FUT8: variants seen among roughly 807,000 people sequenced by gnomAD.
The protein encoded by FUT8 is fucosyltransferase 8.
In FUT8, 29 loss-of-function variants were observed where a neutral mutation model predicts 71.3. That is an observed-to-expected ratio of 0.41 (90% CI 0.30 to 0.55). The LOEUF (loss-of-function observed/expected upper bound fraction) is 0.55. Among genes scored for constraint, FUT8 ranks in the 20% least tolerant of loss-of-function variants. FUT8 has a pLI of 0.34. For synonymous variants in FUT8, 254 were observed against 239.3 expected (o/e 1.06, Z -0.57); for missense variants, 544 against 702.1 (o/e 0.77, Z 2.55).
the FUT8 span, among the ~76,000 whole-genome samples, chr14:65,389,889 A>G: frequency 2.0e-5 from 3 of 151,442 alleles, no homozygotes; most frequent in South Asian, 6.2e-4. Flanking sequence ...AAGGCAATAT[A>G]TAAGTACAAT....
chr14:65,466,299 A>G (rs1174458823), intron 2 of FUT8, among the ~76,000 whole-genome samples: 1 of 152,186 alleles, frequency 6.6e-6, no homozygotes, highest in African/African-American at 2.4e-5. Flanking sequence ...ATATAGTTGG[A>G]TTAATGTCTA....
the FUT8 span, among the ~76,000 whole-genome samples, chr14:65,395,724 C>G: frequency 2.6e-5 from 4 of 152,380 alleles, no homozygotes; most frequent in Non-Finnish European, 5.9e-5. Context: ...ATGGCTCTGA[C>G]ATGCCCTGGA....
In FUT8 at chr14:65,692,024, A is replaced by G. The variant is rs1269914095; in HGVS notation, c.835+22544A>G. Among the ~76,000 whole-genome samples the G allele has an allele frequency of 3.9e-5, 6 of 152,068 alleles. No homozygotes were observed. In the East Asian group the frequency reaches 1.2e-3, roughly 30 times the overall value. On this transcript the variant is annotated intron_variant, in intron 7 of 10. Coordinates refer to ENST00000673929, the MANE Select transcript of FUT8 (RefSeq NM_001371533.1). The stretch of plus-strand genomic sequence containing the variant: ...TTCTTTCTACACAGACACGGCAACC[A>G]TCCGATTTCTCAATCTTTTCCCCAC...
At chr14:65,682,160 C>T (rs966652330) in intron 7 of FUT8, among the ~76,000 whole-genome samples, 1 of 152,136 alleles carries the variant, frequency 6.6e-6, no homozygotes, top group Non-Finnish European at 1.5e-5. Flanking sequence ...AAAAGTCTGC[C>T]TCAAGAGGCA....
intron 6 of FUT8, among the ~76,000 whole-genome samples, chr14:65,661,295 G>A (rs1451348956): frequency 6.6e-6 from 1 of 150,746 alleles, no homozygotes; most frequent in Non-Finnish European, 1.5e-5. Flanking sequence ...GCAGTGGACA[G>A]TGGATCAAGA....
chr14:65,678,580 C>G (rs1594889911), intron 7 of FUT8, among the ~76,000 whole-genome samples: 1 of 152,150 alleles, frequency 6.6e-6, no homozygotes, highest in East Asian at 1.9e-4. Context: ...AAGGGGGGTA[C>G]TAGGAATAAA....
intron 1 of FUT8, among the ~76,000 whole-genome samples, chr14:65,430,528 A>G (rs1376485023): frequency 6.6e-6 from 1 of 152,158 alleles, no homozygotes; most frequent in Non-Finnish European, 1.5e-5. Context: ...TTTTATTTTT[A>G]GTCATAATAG....
intron 1 of FUT8, among the ~76,000 whole-genome samples, chr14:65,438,930 G>A (rs1194856429): frequency 6.6e-6 from 1 of 152,158 alleles, no homozygotes; most frequent in Non-Finnish European, 1.5e-5. Context: ...GGAATATGAA[G>A]GAATGTGTAA....
chr14:65,443,794 G>C (rs2065698572), intron 1 of FUT8, among the ~76,000 whole-genome samples: 1 of 151,620 alleles, frequency 6.6e-6, no homozygotes, highest in Non-Finnish European at 1.5e-5. Context: ...CTTGAGTTCA[G>C]AGTCATTTGA....
intron 3 of FUT8, among the ~76,000 whole-genome samples, chr14:65,563,383 C>A (rs548474520): frequency 1.3e-5 from 2 of 152,086 alleles, no homozygotes; most frequent in Admixed American, 6.6e-5. Context: ...TACAGATTAA[C>A]AATTATAGAG....
chr14:65,425,909 G>A (rs2065378388), intron 1 of FUT8, among the ~76,000 whole-genome samples: 1 of 151,772 alleles, frequency 6.6e-6, no homozygotes, highest in Admixed American at 6.6e-5. Flanking sequence ...CCTGAAAGAC[G>A]GAGGTTGCAG....
Position 65,603,823 on chromosome 14 carries a change from G to T in FUT8, c.204-12155G>T, listed in dbSNP as rs1292688195. 6.6e-6 allele frequency among the ~76,000 whole-genome samples: 1 copy of T among 151,802 alleles called. No individual in the cohort carries two copies. Among genetic ancestry groups the T allele is most frequent in the Admixed American group, 6.6e-5 (1 of 15,184 alleles). The stretch of plus-strand genomic sequence containing the variant: ...TCCACTTAAAAGGTACAGAATTGCA[G>T]AATGGATTCGAATTCACAAACCAAG... On this transcript the variant is annotated intron_variant, in intron 3 of 10. Coordinates refer to ENST00000673929, the MANE Select transcript of FUT8 (RefSeq NM_001371533.1). This position sits in a 1 kb window ranked among gnomAD's most constrained non-coding sequence, Gnocchi z 4.5.
chr14:65,366,490 A>G, the FUT8 span, among the ~76,000 whole-genome samples: 10 of 152,158 alleles, frequency 6.6e-5, no homozygotes, highest in Admixed American at 5.2e-4. Context: ...TTATGCTTTG[A>G]TCACAATGAC....
At chr14:65,707,854 C>T (rs1044411768) in intron 7 of FUT8, among the ~76,000 whole-genome samples, 7 of 152,248 alleles carry the variant, frequency 4.6e-5, no homozygotes, top group African/African-American at 1.7e-4. Context: ...CCAGTACCAT[C>T]CTGTTTTGAT....
At chr14:65,720,392 A>G (rs1212923082) in intron 7 of FUT8, among the ~76,000 whole-genome samples, 1 of 152,262 alleles carries the variant, frequency 6.6e-6, no homozygotes. Context: ...AGGCAGGTCC[A>G]GGAGTGCCAT....
chr14:65,556,513 A>G (rs989764028), intron 2 of FUT8, among the ~76,000 whole-genome samples: 4 of 152,190 alleles, frequency 2.6e-5, no homozygotes, highest in Non-Finnish European at 5.9e-5. Flanking sequence ...CATCAGAATA[A>G]GCAAGCAGGG....
chr14:65,429,702 A>G (rs1455708595), intron 1 of FUT8, among the ~76,000 whole-genome samples: 2 of 151,922 alleles, frequency 1.3e-5, no homozygotes, highest in East Asian at 1.9e-4. Context: ...ATCTTTACAA[A>G]TAATTAAAAA....
the FUT8 span, among the ~76,000 whole-genome samples, chr14:65,399,087 A>G: frequency 1.3e-5 from 2 of 152,154 alleles, no homozygotes; most frequent in Non-Finnish European, 2.9e-5. Flanking sequence ...GGGAGGCCAA[A>G]GTGGGTGGAT....
At chr14:65,567,466 G>T (rs930536750) in intron 3 of FUT8, among the ~76,000 whole-genome samples, 1 of 151,830 alleles carries the variant, frequency 6.6e-6, no homozygotes, top group Non-Finnish European at 1.5e-5. Context: ...GTTAAAAAGT[G>T]GGTTGCCTTT....
Sources: gnomAD v4.1 joint callset for allele counts (sites outside exome capture counted in the v4.1 genomes callset) on GRCh38, gnomAD v4.1.1 for gene constraint, Gnocchi (gnomAD v3.1) non-coding constraint, MANE v1.5 for transcripts, NCBI Gene and HGNC (gene_info 2026-07-23, HGNC 2026-07-21) for gene names.